The following PACSIN2 variants were observed in gnomAD, a reference collection of about 807,000 sequenced individuals.
PACSIN2 encodes protein kinase C and casein kinase substrate in neurons protein 2.
Under a neutral mutation model 63.8 loss-of-function variants are expected in PACSIN2, and 25 were observed. The observed-to-expected ratio is 0.39, with a 90% CI of 0.29 to 0.55. The LOEUF is 0.55. Ranked by LOEUF, PACSIN2 falls within the 20% of genes least tolerant of loss-of-function variation. The pLI is 0.62. For missense variants in PACSIN2, 518 were observed against 646.9 expected (o/e 0.80, Z 2.16); for synonymous variants, 255 against 256.2 (o/e 1.00, Z 0.05).
chr22:42,982,740 G>A (rs1283424409), intron 1 of PACSIN2, among the ~76,000 whole-genome samples: 4 of 138,922 alleles, frequency 2.9e-5, no homozygotes, highest in Non-Finnish European at 1.5e-5. Context: ...CACTGCGGAA[G>A]GCTGCAGGGT....
intron 1 of PACSIN2, among the ~76,000 whole-genome samples, chr22:42,969,867 C>T (rs1393370165): frequency 6.6e-6 from 1 of 150,872 alleles, no homozygotes; most frequent in East Asian, 1.9e-4. Context: ...CCCACCACTG[C>T]ACTCTAGCCT....
intron 1 of PACSIN2, among the ~76,000 whole-genome samples, chr22:42,913,458 A>G (rs1931594034): frequency 7.1e-6 from 1 of 141,668 alleles, no homozygotes; most frequent in Non-Finnish European, 1.5e-5. Context: ...CAGCCTGGGC[A>G]ACAAGAGCGA....
At chr22:42,965,277 G>A (rs1920943450) in intron 1 of PACSIN2, among the ~76,000 whole-genome samples, 1 of 152,218 alleles carries the variant, frequency 6.6e-6, no homozygotes. Flanking sequence ...AGGGGGCAGG[G>A]TGGGGGACTG....
At chr22:42,893,364 A>G in intron 3 of PACSIN2, 93 bp downstream of exon 3, 1 of 1,326,528 alleles carries the variant, frequency 7.5e-7, no homozygotes, top group Non-Finnish European at 1.1e-6. Flanking sequence ...TAAAAGACAG[A>G]AAACTGGCAT....
intron 10 of PACSIN2, 138 bp downstream of exon 10, chr22:42,875,999 A>C: frequency 1.5e-6 from 1 of 682,296 alleles, no homozygotes; most frequent in South Asian, 2.1e-5. Context: ...CAATGAAGCC[A>C]GGGCACTGGG....
intron 1 of PACSIN2, among the ~76,000 whole-genome samples, chr22:42,941,336 T>C (rs1429291600): frequency 2.0e-5 from 3 of 152,280 alleles, no homozygotes; most frequent in Admixed American, 6.5e-5. Context: ...CCGCTATTAA[T>C]AGTGCTGCTA....
intron 2 of PACSIN2, among the ~76,000 whole-genome samples, chr22:42,904,176 T>A (rs984997154): frequency 1.3e-5 from 2 of 152,198 alleles, no homozygotes; most frequent in African/African-American, 4.8e-5. Flanking sequence ...AACTAACTCT[T>A]CCTCAAGGCC....
chr22:42,961,807 A>C (rs567446683), intron 1 of PACSIN2, among the ~76,000 whole-genome samples: 1 of 152,162 alleles, frequency 6.6e-6, no homozygotes, highest in Admixed American at 6.5e-5. Context: ...TTAATGGAAA[A>C]ATACCAATAA....
intron 1 of PACSIN2, among the ~76,000 whole-genome samples, chr22:42,984,573 C>T (rs912764466): frequency 6.6e-6 from 1 of 152,168 alleles, no homozygotes; most frequent in Non-Finnish European, 1.5e-5. Flanking sequence ...TGACCCAGGC[C>T]AGCGGGTTGA....
At chr22:42,932,211 T>G (rs1427122502) in intron 1 of PACSIN2, among the ~76,000 whole-genome samples, 1 of 152,196 alleles carries the variant, frequency 6.6e-6, no homozygotes, top group African/African-American at 2.4e-5. Flanking sequence ...CATCCCTGCC[T>G]CAGAGCCTTT....
At chr22:42,916,740 C>T (rs148140617) in intron 1 of PACSIN2, among the ~76,000 whole-genome samples, 122 of 152,270 alleles carry the variant, frequency 8.0e-4, no homozygotes, top group Middle Eastern at 6.8e-3. Flanking sequence ...GACACACCAG[C>T]AGCTCTCAAG....
At chr22:42,876,825 A>G (rs1448446830) in intron 9 of PACSIN2, 63 bp downstream of exon 9, 2 of 1,502,748 alleles carry the variant, frequency 1.3e-6, no homozygotes, top group East Asian at 4.6e-5. Flanking sequence ...ACCCCTGGAC[A>G]GAGAGAGAGG....
chr22:42,877,868 C>G (rs1007998135), intron 8 of PACSIN2, among the ~76,000 whole-genome samples: 11 of 152,188 alleles, frequency 7.2e-5, no homozygotes, highest in Non-Finnish European at 1.6e-4. Flanking sequence ...CACAGGCCCC[C>G]AAAGCACTGG....
chr22:42,959,083 C>A (rs1934030987), intron 1 of PACSIN2, among the ~76,000 whole-genome samples: 1 of 152,080 alleles, frequency 6.6e-6, no homozygotes, highest in Non-Finnish European at 1.5e-5. Context: ...GGGACGAGGG[C>A]ACAGGGTCCA....
At chr22:42,952,055 C>A (rs552243949) in intron 1 of PACSIN2, among the ~76,000 whole-genome samples, 42 of 152,316 alleles carry the variant, frequency 2.8e-4, no homozygotes, top group Non-Finnish European at 5.4e-4. Context: ...CCCTGATACT[C>A]CAGCCCTAAC....
chr22:42,879,110 G>A lies in PACSIN2; in HGVS notation c.966C>T (p.Asp322=), dbSNP rs202136600. The change falls in exon 8 of 11, where the codon GAC becomes GAT. Residue 322 remains aspartate (D), a synonymous_variant. Transcript: ENST00000263246. ...LSRREKKKAT[D]GVTLTGINQT... ...GGTTGATGCCCGTCAGGGTGACGCC[G>A]TCAGTGGCCTTCTTCTTCTCTCTCC... is the stretch of plus-strand genomic sequence containing the variant. The A allele has an allele frequency of 8.0e-4, 1,292 of 1,614,124 alleles. 6 individuals carry two copies. The highest frequency in any genetic ancestry group is 4.1e-3 in the South Asian group (376 of 91,078).
At position 42,886,478 on chromosome 22, in the gene PACSIN2, A is replaced by G. The variant is rs1350746224; in HGVS notation, c.610-1917T>C. On this transcript the variant is annotated intron_variant, in intron 5 of 10. Coordinates refer to ENST00000263246, the MANE Select transcript of PACSIN2 (RefSeq NM_001184970.3). ...TATGTATGTACCTACCTACTTACCTACTTTAGAGATGAGGTCTCACTCTGT... is the reference window on the plus strand; with the variant it reads ...TATGTATGTACCTACCTACTTACCTGCTTTAGAGATGAGGTCTCACTCTGT... 3.9e-5 allele frequency among the ~76,000 whole-genome samples: 6 copies of G among 152,018 alleles called. No homozygotes were observed. In the East Asian group the frequency reaches 7.7e-4, roughly 20 times the overall value.
chr22:42,928,376 T>C (rs1016322001), intron 1 of PACSIN2, among the ~76,000 whole-genome samples: 38 of 152,178 alleles, frequency 2.5e-4, no homozygotes, highest in African/African-American at 8.7e-4. Context: ...GAAAAGAAGG[T>C]GTTCACATAA....
At position 42,994,610 on chromosome 22, in the gene PACSIN2, C is replaced by T. The variant is rs117036995; in HGVS notation, c.-78+20411G>A. ...GGCCATGTAAGGGGTCTGGGGGTTA[C>T]TGGGGCAGGGAATTCCAGGGTCTCT... is the stretch of plus-strand genomic sequence containing the variant. On this transcript the variant is annotated intron_variant, in intron 1 of 10. Coordinates refer to ENST00000263246, the MANE Select transcript of PACSIN2 (RefSeq NM_001184970.3). Among the ~76,000 whole-genome samples the T allele has an allele frequency of 3.3e-5, 5 of 152,336 alleles. No individual in the cohort carries two copies. The East Asian group carries it at 9.7e-4, about 29-fold the overall frequency.
Sources: allele counts gnomAD v4.1 joint callset (sites outside exome capture counted in the v4.1 genomes callset), GRCh38; gene constraint gnomAD v4.1.1; transcripts MANE v1.5; gene names NCBI Gene and HGNC (gene_info 2026-07-23, HGNC 2026-07-21).